Variants in DPYD observed in about 807,000 individuals in gnomAD.
The protein encoded by DPYD is dihydropyrimidine dehydrogenase [NADP(+)].
A neutral mutation model predicts 116.2 loss-of-function variants in DPYD; 109 were observed. That is an observed-to-expected ratio of 0.94 (90% CI 0.80 to 1.10). The LOEUF is 1.10. DPYD is among the 50% of genes least tolerant of loss of function. DPYD has a pLI of 0.00. For synonymous variants in DPYD, 440 were observed against 432.0 expected, an observed-to-expected ratio of 1.02 and a Z score of -0.23; for missense variants, 1,302 against 1,254.5, an observed-to-expected ratio of 1.04 and a Z score of -0.57.
intron 5 of DPYD, among the ~76,000 whole-genome samples, chr1:97,700,814 A>G (rs1360405305): frequency 6.6e-6 from 1 of 152,022 alleles, no homozygotes; most frequent in Non-Finnish European, 1.5e-5. Context: ...AAACTTCATT[A>G]AAAGCTGGAA....
At chr1:97,449,268 C>A (rs976427411) in intron 14 of DPYD, among the ~76,000 whole-genome samples, 3 of 151,908 alleles carry the variant, frequency 2.0e-5, no homozygotes, top group Non-Finnish European at 2.9e-5. Flanking sequence ...TGCCTCAAAC[C>A]TCAACCTCCA....
chr1:97,301,889 C>T (rs764417046), intron 18 of DPYD, among the ~76,000 whole-genome samples: 2 of 150,264 alleles, frequency 1.3e-5, no homozygotes, highest in Non-Finnish European at 3.0e-5. Context: ...AAGATGCCCT[C>T]ATTATTTGGG....
chr1:97,707,153 G>T (rs1257366509), intron 5 of DPYD, among the ~76,000 whole-genome samples: 1 of 151,998 alleles, frequency 6.6e-6, no homozygotes, highest in Non-Finnish European at 1.5e-5. Context: ...TGACTTAGGA[G>T]GTGATTAGGT....
At chr1:97,708,575 G>A (rs1490231352) in intron 5 of DPYD, among the ~76,000 whole-genome samples, 2 of 151,934 alleles carry the variant, frequency 1.3e-5, no homozygotes, top group African/African-American at 2.4e-5. Flanking sequence ...TTAAAATCAG[G>A]TAGTCCGAGT....
chr1:97,437,024 A>G (rs539012573), intron 14 of DPYD, among the ~76,000 whole-genome samples: 14 of 151,816 alleles, frequency 9.2e-5, no homozygotes, highest in Non-Finnish European at 2.1e-4. Flanking sequence ...AGAATAAAAT[A>G]ATAATTTATT....
chr1:97,415,721 T>C (rs1674254513), intron 14 of DPYD, among the ~76,000 whole-genome samples: 2 of 152,248 alleles, frequency 1.3e-5, no homozygotes, highest in South Asian at 4.1e-4. Flanking sequence ...TTATTACTGA[T>C]AAATTTTTTG....
rs143808191 is a variant in DPYD, at chr1:97,188,456, G to C, written c.2622+4613C>G. Reference sequence around the variant, plus strand: ...TGCAATTTAATTCTATAAACATGTAGCATTGTGCTAGGTGCTTGCAAACTC... The same window carrying C: ...TGCAATTTAATTCTATAAACATGTACCATTGTGCTAGGTGCTTGCAAACTC... On this transcript the variant is annotated intron_variant, in intron 20 of 22. Transcript: ENST00000370192. Among the ~76,000 whole-genome samples, 76 of 152,240 alleles carry C rather than the reference G, an allele frequency of 5.0e-4. No individual in the cohort carries two copies. In the East Asian group the frequency reaches 0.015, roughly 29 times the overall value.
At position 97,583,764 on chromosome 1, in the gene DPYD, AT is replaced by A. The variant is rs541433954; in HGVS notation, c.1128+9453del. Among the ~76,000 whole-genome samples the A allele has an allele frequency of 1.5e-4, 22 of 148,876 alleles. No individual in the cohort carries two copies. In the South Asian group the frequency reaches 4.0e-3, roughly 27 times the overall value. On this transcript the variant is annotated intron_variant, in intron 10 of 22. Coordinates refer to ENST00000370192, the MANE Select transcript of DPYD (RefSeq NM_000110.4). ...GATTGACATAAAAATGTGACGCAAT[AT>A]TTTTTTTAACAGTTTAAAATAAAAT... is the stretch of plus-strand genomic sequence containing the variant.
At chr1:97,537,942 C>CT in intron 12 of DPYD, among the ~76,000 whole-genome samples, 1 of 152,212 alleles carries the variant, frequency 6.6e-6, no homozygotes, top group South Asian at 2.1e-4. Context: ...TGGCATATGC[C>CT]TGTAATCCCA....
chr1:97,257,452 T>TATATATAGAGAGAGAGAGAGAG (rs375490078), intron 18 of DPYD, among the ~76,000 whole-genome samples: 11 of 126,466 alleles, frequency 8.7e-5, no homozygotes, highest in South Asian at 5.4e-4. Context: ...TATATATATA[T>TATATATAGAGAGAGAGAGAGAG]AGAGAGAGAG....
intron 3 of DPYD, among the ~76,000 whole-genome samples, chr1:97,790,517 A>G (rs1254858517): frequency 6.6e-6 from 1 of 152,202 alleles, no homozygotes; most frequent in East Asian, 1.9e-4. Flanking sequence ...GTCTGCAACA[A>G]TGTGATTTAT....
chr1:97,179,227 G>C (rs1168118202), intron 20 of DPYD, among the ~76,000 whole-genome samples: 1 of 152,166 alleles, frequency 6.6e-6, no homozygotes, highest in Non-Finnish European at 1.5e-5. Context: ...ATATACAGTA[G>C]CACAGGAATA....
At chr1:97,175,691 G>A (rs1370499261) in intron 20 of DPYD, among the ~76,000 whole-genome samples, 15 of 152,118 alleles carry the variant, frequency 9.9e-5, no homozygotes, top group Non-Finnish European at 1.8e-4. Flanking sequence ...CAACTGCCAC[G>A]TTCTATAAGC....
chr1:97,361,383 G>A (rs1208559098), intron 16 of DPYD, among the ~76,000 whole-genome samples: 2 of 152,190 alleles, frequency 1.3e-5, no homozygotes, highest in Non-Finnish European at 2.9e-5. Flanking sequence ...GTACAAAGAG[G>A]AGTTGATACC....
chr1:97,138,935 C>T (rs1402345036), intron 20 of DPYD, among the ~76,000 whole-genome samples: 1 of 152,086 alleles, frequency 6.6e-6, no homozygotes, highest in Non-Finnish European at 1.5e-5. Context: ...ATGTATTCCA[C>T]CCTCATAACA....
At chr1:97,173,294 A>G (rs1055414379) in intron 20 of DPYD, among the ~76,000 whole-genome samples, 8 of 141,494 alleles carry the variant, frequency 5.7e-5, no homozygotes, top group African/African-American at 2.1e-4. Flanking sequence ...ATATATGTAC[A>G]CATATGTACA....
In DPYD at chr1:97,585,528, G is replaced by T. The variant is rs928067612; in HGVS notation, c.1128+7690C>A. ...TGAAAATTCAGTATAGTATGAAAAGGTAGAATGGAATTTTAGAATTTAGAA... is the reference window on the plus strand; with the variant it reads ...TGAAAATTCAGTATAGTATGAAAAGTTAGAATGGAATTTTAGAATTTAGAA... On this transcript the variant is annotated intron_variant, in intron 10 of 22. Transcript: ENST00000370192. 9.2e-5 allele frequency among the ~76,000 whole-genome samples: 14 copies of T among 152,044 alleles called. No individual in the cohort carries two copies. The East Asian group carries it at 1.4e-3, about 15-fold the overall frequency.
chr1:97,127,900 C>T (rs1023812856), intron 20 of DPYD, among the ~76,000 whole-genome samples: 4 of 152,196 alleles, frequency 2.6e-5, no homozygotes, highest in African/African-American at 7.2e-5. Context: ...CTTCCACACA[C>T]GGTTCCATGT....
intron 19 of DPYD, among the ~76,000 whole-genome samples, chr1:97,211,256 C>T (rs531291873): frequency 6.6e-6 from 1 of 152,272 alleles, no homozygotes; most frequent in African/African-American, 2.4e-5. Flanking sequence ...TTTCCCATAG[C>T]TGGATGAATC....
Sources: allele counts gnomAD v4.1 joint callset (sites outside exome capture counted in the v4.1 genomes callset), GRCh38; gene constraint gnomAD v4.1.1; transcripts MANE v1.5; gene names NCBI Gene and HGNC (gene_info 2026-07-23, HGNC 2026-07-21).